EXT1: variants seen among roughly 807,000 people sequenced by gnomAD.
The protein encoded by EXT1 is exostosin glycosyltransferase 1.
A neutral mutation model predicts 82.5 loss-of-function variants in EXT1; 20 were observed. The ratio of observed to expected loss-of-function variants is 0.24; its 90% CI spans 0.17 to 0.35. The LOEUF is 0.35. EXT1 is among the 10% of genes least tolerant of loss of function. The pLI, the probability that EXT1 is intolerant of heterozygous loss-of-function variation, is 1.00. For synonymous variants in EXT1, 348 were observed against 350.8 expected (o/e 0.99, Z 0.09); for missense variants, 757 against 936.5 (o/e 0.81, Z 2.50).
chr8:118,086,475 T>C (rs1194492163), intron 1 of EXT1, among the ~76,000 whole-genome samples: 1 of 152,224 alleles, frequency 6.6e-6, no homozygotes, highest in Non-Finnish European at 1.5e-5. Context: ...ACTTCCTCTT[T>C]CAACAGAGCT....
chr8:117,878,866 G>T (rs1813013862), intron 1 of EXT1, among the ~76,000 whole-genome samples: 1 of 152,194 alleles, frequency 6.6e-6, no homozygotes, highest in Non-Finnish European at 1.5e-5. Context: ...TCACTTCAAT[G>T]GCTTTCAACA....
intron 1 of EXT1, among the ~76,000 whole-genome samples, chr8:118,088,097 T>C (rs939789020): frequency 3.5e-4 from 54 of 152,202 alleles, no homozygotes; most frequent in African/African-American, 1.3e-3. Flanking sequence ...CCCCTTCTTC[T>C]CCCGGCTGCT....
intron 1 of EXT1, among the ~76,000 whole-genome samples, chr8:117,844,532 T>C (rs1812322938): frequency 6.6e-6 from 1 of 152,128 alleles, no homozygotes; most frequent in Non-Finnish European, 1.5e-5. Context: ...AGATTTGAAC[T>C]GAGAAACATA....
chr8:118,010,110 A>G (rs911953199), intron 1 of EXT1, among the ~76,000 whole-genome samples: 2 of 152,138 alleles, frequency 1.3e-5, no homozygotes, highest in African/African-American at 4.8e-5. Context: ...TTGGCAGGAT[A>G]TAAGTATATT....
intron 3 of EXT1, among the ~76,000 whole-genome samples, chr8:117,833,239 G>A (rs1812131224): frequency 6.6e-6 from 1 of 152,136 alleles, no homozygotes. Flanking sequence ...GTGGGTGGGG[G>A]TGACAAAAAT....
At chr8:117,814,175 T>C (rs1396225235) in intron 7 of EXT1, among the ~76,000 whole-genome samples, 1 of 151,912 alleles carries the variant, frequency 6.6e-6, no homozygotes, top group Non-Finnish European at 1.5e-5. Context: ...AGGTGGTGTA[T>C]GCATAAAGTT....
intron 7 of EXT1, among the ~76,000 whole-genome samples, chr8:117,816,522 A>C (rs10955836): frequency 0.74 from 113,215 of 152,024 alleles, 42,609 homozygotes; most frequent in African/African-American, 0.78. Flanking sequence ...ACATAGGAAG[A>C]ACCCAGCCCA....
At chr8:117,940,991 G>C (rs1038594699) in intron 1 of EXT1, among the ~76,000 whole-genome samples, 1 of 152,166 alleles carries the variant, frequency 6.6e-6, no homozygotes, top group African/African-American at 2.4e-5. Context: ...AGATTCCCCA[G>C]GGGTTAAGGC....
intron 1 of EXT1, among the ~76,000 whole-genome samples, chr8:117,844,347 C>T (rs576352704): frequency 1.5e-4 from 23 of 151,812 alleles, no homozygotes; most frequent in African/African-American, 5.6e-4. Context: ...GAGATGGGGT[C>T]TCACTTTGTT....
At chr8:117,889,001 G>T (rs1461067226) in intron 1 of EXT1, among the ~76,000 whole-genome samples, 15 of 152,156 alleles carry the variant, frequency 9.9e-5, no homozygotes, top group Non-Finnish European at 1.5e-5. Flanking sequence ...CCCTGATGGT[G>T]GTTCACCAGG....
rs147458495 is a variant in EXT1 at position 117,860,321 on chromosome 8, A to C, written c.963-23120T>G. Among the ~76,000 whole-genome samples the C allele has an allele frequency of 3.3e-5, 5 of 152,220 alleles. No individual in the cohort carries two copies. In the East Asian group the frequency reaches 9.6e-4, roughly 29 times the overall value. Reference sequence around the variant, plus strand: ...ACAATGGGTACACATGGACATACAGAGTGAAAGAACACATACTGGAGACTC... The same window carrying C: ...ACAATGGGTACACATGGACATACAGCGTGAAAGAACACATACTGGAGACTC... On this transcript the variant is annotated intron_variant, in intron 1 of 10. Transcript: ENST00000378204.
intron 1 of EXT1, among the ~76,000 whole-genome samples, chr8:117,991,353 C>T (rs552008132): frequency 2.0e-5 from 3 of 152,264 alleles, no homozygotes; most frequent in African/African-American, 7.2e-5. Flanking sequence ...CAGCTTGCTG[C>T]CACTGAGCCA....
intron 1 of EXT1, among the ~76,000 whole-genome samples, chr8:117,948,144 G>A (rs567091354): frequency 6.6e-6 from 1 of 152,004 alleles, no homozygotes; most frequent in East Asian, 1.9e-4. Flanking sequence ...CATATGCCTA[G>A]GGCAATGTAA....
rs1057350484 is a variant in EXT1, at chr8:118,038,986, A to G, written c.962+71099T>C. On this transcript the variant is annotated intron_variant, in intron 1 of 10. Coordinates refer to ENST00000378204, the MANE Select transcript of EXT1 (RefSeq NM_000127.3). ...TCTGAAACAATTTTTTGAATTTCCT[A>G]TATTATTTGTCTACCTTATCCCACA... Among the ~76,000 whole-genome samples, 4 of 152,132 alleles carry G rather than the reference A, an allele frequency of 2.6e-5. No homozygotes were observed. In the East Asian group the frequency reaches 5.8e-4, roughly 22 times the overall value.
At chr8:117,943,397 G>A (rs1814324798) in intron 1 of EXT1, among the ~76,000 whole-genome samples, 2 of 152,116 alleles carry the variant, frequency 1.3e-5, no homozygotes, top group Admixed American at 1.3e-4. Flanking sequence ...AATGCATATT[G>A]CAACCAAATG....
At chr8:118,076,137 T>G (rs1042577862) in intron 1 of EXT1, among the ~76,000 whole-genome samples, 4 of 152,042 alleles carry the variant, frequency 2.6e-5, no homozygotes, top group Non-Finnish European at 4.4e-5. Context: ...CCCAGAAAAT[T>G]TGTAAGTTGC....
intron 1 of EXT1, among the ~76,000 whole-genome samples, chr8:117,935,029 C>T (rs1586294960): frequency 6.6e-6 from 1 of 152,142 alleles, no homozygotes; most frequent in South Asian, 2.1e-4. Flanking sequence ...CAAGACAGAC[C>T]TGGCTTGAAA....
intron 1 of EXT1, among the ~76,000 whole-genome samples, chr8:117,871,375 G>A (rs1021314628): frequency 7.9e-5 from 12 of 152,330 alleles, no homozygotes; most frequent in East Asian, 5.8e-4. Context: ...AGAACTCTTC[G>A]TTCAGAAAGC....
At chr8:117,896,176 C>A (rs544464606) in intron 1 of EXT1, among the ~76,000 whole-genome samples, 1 of 152,288 alleles carries the variant, frequency 6.6e-6, no homozygotes, top group East Asian at 1.9e-4. Context: ...TTATGCCTGT[C>A]TATGGATGTG....
Sources: gnomAD v4.1 joint callset for allele counts (sites outside exome capture counted in the v4.1 genomes callset) on GRCh38, gnomAD v4.1.1 for gene constraint, MANE v1.5 for transcripts, NCBI Gene and HGNC (gene_info 2026-07-23, HGNC 2026-07-21) for gene names.